MYOF: variants seen among roughly 807,000 people sequenced by gnomAD.
The protein encoded by MYOF is fer-1-like 3, myoferlin.
In MYOF, 244 loss-of-function variants were observed where a neutral mutation model predicts 284.2. The observed-to-expected ratio is 0.86, with a 90% CI of 0.77 to 0.95. The LOEUF is 0.95. Among genes scored for constraint, MYOF ranks in the 40% least tolerant of loss-of-function variants. The probability of loss-of-function intolerance (pLI) is 0.00; values close to 1 mark genes in which losing one functional copy is unlikely to be tolerated. For missense variants in MYOF, 2,496 were observed against 2,560.6 expected, an observed-to-expected ratio of 0.97 and a Z score of 0.54; for synonymous variants, 904 against 919.7, an observed-to-expected ratio of 0.98 and a Z score of 0.31.
At position 93,369,110 on chromosome 10, in the gene MYOF, C is replaced by CTTTT. The variant is rs66923086; in HGVS notation, c.2589+531_2589+534dup. Among the ~76,000 whole-genome samples the CTTTT allele has an allele frequency of 5.2e-3, 404 of 78,306 alleles. 45 individuals carry two copies. The highest frequency in any genetic ancestry group is 0.026 in the South Asian group (46 of 1,766). 51.4% of individuals were successfully genotyped at this position (78,306 alleles called of 152,430 possible). A position where few individuals can be genotyped will look rare whatever the true frequency, so the allele number is the denominator to read the frequency against. ...TATTGTTTTAGAAGTATTCAGACAG[C>CTTTT]TTTTTTTTTTTTTTTTTTTTTTGCC... On this transcript the variant is annotated intron_variant, in intron 25 of 53. Coordinates refer to ENST00000359263, the MANE Select transcript of MYOF (RefSeq NM_013451.4).
chr10:93,443,809 G>A (rs762699236), intron 3 of MYOF, among the ~76,000 whole-genome samples: 1 of 152,072 alleles, frequency 6.6e-6, no homozygotes. Flanking sequence ...TTAGCATAAC[G>A]GAACTACAGT....
intron 5 of MYOF, among the ~76,000 whole-genome samples, chr10:93,416,153 C>A (rs1848110042): frequency 1.3e-5 from 2 of 152,226 alleles, no homozygotes; most frequent in Non-Finnish European, 2.9e-5. Flanking sequence ...ACTTTCTGCT[C>A]TTTGATTCAG....
At chr10:93,428,094 T>A (rs1326895556) in intron 4 of MYOF, among the ~76,000 whole-genome samples, 1 of 151,328 alleles carries the variant, frequency 6.6e-6, no homozygotes, top group Non-Finnish European at 1.5e-5. Flanking sequence ...CACACACACA[T>A]ATGCACACAC....
chr10:93,362,652 A>T (rs1395553501), intron 27 of MYOF, among the ~76,000 whole-genome samples: 1 of 152,186 alleles, frequency 6.6e-6, no homozygotes, highest in Non-Finnish European at 1.5e-5. Flanking sequence ...CATAAAAATG[A>T]AGAGAGTTAT....
chr10:93,374,700 G>T, intron 23 of MYOF, 63 bp downstream of exon 23: 1 of 1,496,852 alleles, frequency 6.7e-7, no homozygotes, highest in Non-Finnish European at 9.1e-7. Context: ...TCCTATTCTT[G>T]GTGCCATTTC....
rs1564713630 is a variant in MYOF, at chr10:93,431,422, CT to C, written c.330del (p.Gln112LysfsTer10). ...PYKLISLLNE[K>X]GQDTGATIDL... is the part of the protein sequence containing the mutation. ...AAAACACTCACCCCAGTATCTTGCC[CT>C]TTTTCATTTAGCAGGGAGATCAGCT... On this transcript the variant is annotated frameshift_variant, in exon 4 of 54. Transcript: ENST00000359263. LOFTEE classifies it high-confidence loss of function. 1 of 1,613,910 alleles carries C rather than the reference CT, an allele frequency of 6.2e-7. No individual in the cohort carries two copies. The highest frequency in any genetic ancestry group is 1.1e-5 in the South Asian group (1 of 91,076).
At chr10:93,411,600 C>A (rs1042077361) in intron 5 of MYOF, among the ~76,000 whole-genome samples, 1 of 152,098 alleles carries the variant, frequency 6.6e-6, no homozygotes. Context: ...GGGGATGGGG[C>A]ACTGGAGCAG....
At chr10:93,368,715 G>T (rs1845438491) in intron 25 of MYOF, among the ~76,000 whole-genome samples, 1 of 152,178 alleles carries the variant, frequency 6.6e-6, no homozygotes, top group African/African-American at 2.4e-5. Flanking sequence ...ATAAAAGAGG[G>T]TCAAGGGTTG....
chr10:93,433,034 T>C (rs1848942679), intron 3 of MYOF, among the ~76,000 whole-genome samples: 1 of 152,086 alleles, frequency 6.6e-6, no homozygotes, highest in South Asian at 2.1e-4. Context: ...ACATGAAACA[T>C]GAATGAGAGT....
chr10:93,313,669 G>T (rs1189965674), intron 50 of MYOF, among the ~76,000 whole-genome samples: 1 of 152,066 alleles, frequency 6.6e-6, no homozygotes, highest in African/African-American at 2.4e-5. Context: ...GGGAGGCTGA[G>T]GTGGGCAGAT....
intron 12 of MYOF, among the ~76,000 whole-genome samples, chr10:93,401,010 GC>G (rs1212890296): frequency 6.6e-6 from 1 of 151,758 alleles, no homozygotes; most frequent in Admixed American, 6.6e-5. Context: ...CCGCCACCAT[GC>G]CCAGCTAATT....
chr10:93,422,072 G>A (rs1007371204), intron 5 of MYOF, among the ~76,000 whole-genome samples: 6 of 151,828 alleles, frequency 4.0e-5, no homozygotes, highest in Non-Finnish European at 7.4e-5. Flanking sequence ...CAAAGAGCCC[G>A]GTTTATTTTT....
intron 13 of MYOF, 49 bp downstream of exon 13, chr10:93,399,343 T>C (rs1204467378): frequency 2.1e-6 from 3 of 1,398,610 alleles, no homozygotes; most frequent in Non-Finnish European, 3.0e-6. Context: ...AGCACAGTAG[T>C]TTTAGATATT....
intron 36 of MYOF, 122 bp downstream of exon 36, chr10:93,349,686 A>G: frequency 8.5e-7 from 1 of 1,176,054 alleles, no homozygotes; most frequent in Non-Finnish European, 1.2e-6. Context: ...AGCTGAATAT[A>G]AGGCAGGGTT....
At chr10:93,349,770 C>G (rs779167037) in intron 36 of MYOF, 38 bp downstream of exon 36, 1 of 1,600,172 alleles carries the variant, frequency 6.2e-7, no homozygotes, top group East Asian at 2.2e-5. Context: ...TTTCATATTT[C>G]AACGCGCATG....
Position 93,329,781 on chromosome 10 carries a change from A to G in MYOF, c.4865T>C (p.Val1622Ala), listed in dbSNP as rs1314453916. The G allele has an allele frequency of 1.9e-6, 3 of 1,614,092 alleles. No homozygotes were observed. The highest frequency in any genetic ancestry group is 2.2e-5 in the East Asian group (1 of 44,904). The part of the protein sequence containing the change: ...LPQEKDLKIS[V>A]YDYDTFTRDE... The stretch of plus-strand genomic sequence containing the variant: ...CCGGGTAAAGGTGTCATAATCATAG[A>G]CAGAAATTTTCAGGTCTTTTTCTTG... Residue 1622 changes from valine (V) to alanine (A), a missense_variant, in exon 44 of 54, where the codon GTC (valine) becomes GCC (alanine). This residue lies in a region of MYOF where 2,436 missense variants were observed against 2,480.7 expected (regional missense o/e 0.98). Coordinates refer to ENST00000359263, the MANE Select transcript of MYOF (RefSeq NM_013451.4).
intron 5 of MYOF, among the ~76,000 whole-genome samples, chr10:93,423,637 T>C (rs960703032): frequency 1.4e-5 from 2 of 140,442 alleles, no homozygotes; most frequent in Non-Finnish European, 3.0e-5. Context: ...ATTGAGACCA[T>C]CCTGGCTAAC....
intron 39 of MYOF, among the ~76,000 whole-genome samples, chr10:93,338,961 C>A (rs183835506): frequency 4.6e-5 from 7 of 150,778 alleles, no homozygotes; most frequent in Non-Finnish European, 8.9e-5. Flanking sequence ...CAGAATGTCA[C>A]CTGCAGTAGA....
rs892694590 is a variant in MYOF at position 93,409,102 on chromosome 10, G to A, written c.601-187C>T. Among the ~76,000 whole-genome samples, 12 of 152,142 alleles carry A rather than the reference G, an allele frequency of 7.9e-5. No individual in the cohort carries two copies. In the East Asian group the frequency reaches 2.3e-3, roughly 29 times the overall value. On this transcript the variant is annotated intron_variant, in intron 6 of 53. Transcript: ENST00000359263. ...GGGTCATTCCCAAGATGGGAACTGG[G>A]GTTGGGTTATAGAGACCAAGAGCAG...
Sources: allele counts gnomAD v4.1 joint callset (sites outside exome capture counted in the v4.1 genomes callset), GRCh38; gene constraint gnomAD v4.1.1; regional missense constraint gnomAD v4.1.1; transcripts MANE v1.5; gene names NCBI Gene and HGNC (gene_info 2026-07-23, HGNC 2026-07-21).